The following SLC16A5 variants were observed in gnomAD, a reference collection of about 807,000 sequenced individuals.
SLC16A5 encodes the protein solute carrier family 16 member 5, also known as monocarboxylate transporter 6.
In SLC16A5, 29 loss-of-function variants were observed where a neutral mutation model predicts 33.2. That is an observed-to-expected ratio of 0.87 (90% CI 0.65 to 1.19). SLC16A5 has a LOEUF of 1.19. Ranked by LOEUF, SLC16A5 falls within the 50% of genes most tolerant of loss-of-function variation. The pLI, the probability that SLC16A5 is intolerant of heterozygous loss-of-function variation, is 0.00. For missense variants in SLC16A5, 606 were observed against 678.2 expected (o/e 0.89, Z 1.18); for synonymous variants, 248 against 284.1 (o/e 0.87, Z 1.28).
At chr17:75,109,503 GTCC>G (rs909040790), downstream of SLC16A5, among the ~76,000 whole-genome samples, 9 of 152,180 alleles carry the variant, frequency 5.9e-5, no homozygotes, top group African/African-American at 2.2e-4. This position sits in a 1 kb window ranked among gnomAD's most constrained non-coding sequence, Gnocchi z 5.0. Context: ...CTGCCTCGAC[GTCC>G]TCCAACATGG....
chr17:75,093,686 T>G lies in SLC16A5; in HGVS notation c.50T>G (p.Leu17Arg). 6.2e-7 allele frequency: 1 copy of G among 1,614,012 alleles called. No homozygotes were observed. The highest frequency in any genetic ancestry group is 2.2e-5 in the East Asian group (1 of 44,882). The change falls in exon 3 of 7, where the codon CTG becomes CGG. Residue 17 changes from leucine to arginine, a missense_variant. Coordinates refer to ENST00000329783, the MANE Select transcript of SLC16A5 (RefSeq NM_004695.4). ...RADGSWAWVV[L>R]LATMVTQGLT... ...GATGGCAGCTGGGCCTGGGTGGTGC[T>G]GCTGGCCACCATGGTGACCCAGGGC...
Position 75,096,823 on chromosome 17 carries a change from C to T in SLC16A5, c.200-1215C>T, listed in dbSNP as rs532806781. On this transcript the variant is annotated intron_variant, in intron 3 of 6. Coordinates refer to ENST00000329783, the MANE Select transcript of SLC16A5 (RefSeq NM_004695.4). ...CTGGGATTACAGGCGTGAGCCACCA[C>T]GCATGGCCACTCCATCACTTTTTTT... Among the ~76,000 whole-genome samples, 20 of 146,242 alleles carry T rather than the reference C, an allele frequency of 1.4e-4. No individual in the cohort carries two copies. The South Asian group carries it at 2.4e-3, about 17-fold the overall frequency.
chr17:75,093,416 T>TG (rs1190702327), intron 2 of SLC16A5, 173 bp from the exon 3 acceptor site: 10 of 1,535,862 alleles, frequency 6.5e-6, no homozygotes, highest in Middle Eastern at 1.7e-4. Flanking sequence ...TGAAAGGAGA[T>TG]GCCAAGGCCA....
At chr17:75,101,769 G>T (rs2073803109) in intron 5 of SLC16A5, among the ~76,000 whole-genome samples, 1 of 151,646 alleles carries the variant, frequency 6.6e-6, no homozygotes, top group Admixed American at 6.6e-5. Flanking sequence ...CAAGTAGCTG[G>T]GACTGCAGGC....
Position 75,098,141 on chromosome 17 carries a change from C to G in SLC16A5, c.303C>G (p.His101Gln). 6.2e-7 allele frequency: 1 copy of G among 1,612,476 alleles called. No individual in the cohort carries two copies. Among genetic ancestry groups the G allele is most frequent in the Non-Finnish European group, 8.5e-7 (1 of 1,179,396 alleles). The change falls in exon 4 of 7, where the codon CAC (histidine) becomes CAG (glutamine). Residue 101 changes from histidine to glutamine, a missense_variant. Physicochemically the swap from His to Gln is conservative, Grantham distance 24 (BLOSUM62 0). Coordinates refer to ENST00000329783, the MANE Select transcript of SLC16A5 (RefSeq NM_004695.4). ...GCATGGTGGCCAGCTCCTTCTCTCA[C>G]AACCTCAGCCAGCTCTACTTCACAG... The part of the protein sequence containing the change: ...SLGMVASSFS[H>Q]NLSQLYFTAG...
downstream of SLC16A5, among the ~76,000 whole-genome samples, chr17:75,107,035 G>C (rs2073869167): frequency 6.6e-6 from 1 of 151,164 alleles, no homozygotes; most frequent in South Asian, 2.1e-4. Context: ...AAAAAGCCAA[G>C]TGTGGTGGAT....
chr17:75,103,881 C>A, intron 5 of SLC16A5, 89 bp from the exon 6 acceptor site: 1 of 1,180,498 alleles, frequency 8.5e-7, no homozygotes, highest in South Asian at 1.3e-5. Context: ...ACAGCAGAGA[C>A]AAAAATAAAA....
Position 75,100,075 on chromosome 17 carries a change from G to C in SLC16A5, c.412G>C (p.Val138Leu). 6.2e-7 allele frequency: 1 copy of C among 1,613,822 alleles called. No homozygotes were observed. Among genetic ancestry groups the C allele is most frequent in the Non-Finnish European group, 8.5e-7 (1 of 1,180,008 alleles). The change falls in exon 5 of 7, where the codon GTG becomes CTG. Residue 138 changes from valine (V) to leucine (L), a missense_variant. Transcript: ENST00000329783. ...VLGFYFVRRR[V>L]LANALASMGV... is the part of the protein sequence containing the mutation. The stretch of plus-strand genomic sequence containing the variant: ...GGGCTTCTACTTTGTCCGCCGGCGG[G>C]TGCTGGCCAACGCGCTGGCCTCGAT...
rs1233213652 is a variant in SLC16A5, at chr17:75,104,072, T to C, written c.1256T>C (p.Leu419Pro). 7.4e-6 allele frequency: 12 copies of C among 1,614,062 alleles called. No individual in the cohort carries two copies. Among genetic ancestry groups the C allele is most frequent in the Non-Finnish European group, 9.3e-6 (11 of 1,180,032 alleles). ...ALFMGGSFYA[L>P]QKKEQGKQAV... is the part of the protein sequence containing the mutation. ...TTCATGGGTGGCAGCTTCTACGCCCTGCAGAAGAAGGAGCAAGGCAAGCAG... is the reference window on the plus strand; with the variant it reads ...TTCATGGGTGGCAGCTTCTACGCCCCGCAGAAGAAGGAGCAAGGCAAGCAG... The change falls in exon 6 of 7, where the codon CTG (leucine) becomes CCG (proline). Residue 419 changes from leucine to proline, a missense_variant. Physicochemically the swap from Leu to Pro is moderately conservative, Grantham distance 98. Transcript: ENST00000329783.
At chr17:75,103,484 C>G (rs998859908) in intron 5 of SLC16A5, among the ~76,000 whole-genome samples, 1 of 151,746 alleles carries the variant, frequency 6.6e-6, no homozygotes, top group African/African-American at 2.4e-5. Context: ...TACCTGCCCC[C>G]ACACCTGTCT....
At chr17:75,090,547 G>A (rs1392449268) in intron 2 of SLC16A5, among the ~76,000 whole-genome samples, 2 of 149,336 alleles carry the variant, frequency 1.3e-5, no homozygotes, top group Admixed American at 6.7e-5. Flanking sequence ...CATAACCTCC[G>A]CCTCCCGGGT....
chr17:75,104,739 C>T (rs910234841), intron 6 of SLC16A5: 25 of 984,802 alleles, frequency 2.5e-5, no homozygotes, highest in Admixed American at 6.2e-5. Context: ...CGTGAGCCAC[C>T]GTGCCCAGCC....
At position 75,106,134 on chromosome 17, in the gene SLC16A5, A is replaced by T. The variant is rs2073860740; in HGVS notation, c.*101A>T. On this transcript the variant is annotated 3_prime_UTR_variant, in exon 7 of 7. Transcript: ENST00000329783. ...TAGGAGGTTACTTTGTTAGAGCAAA[A>T]TAATAAAATTTAATTTTAAAAAAGA... 5.7e-6 allele frequency: 3 copies of T among 522,350 alleles called. No homozygotes were observed. The South Asian group carries it at 1.3e-4, about 22-fold the overall frequency. 32.4% of individuals were successfully genotyped at this position (522,350 alleles called of 1,614,324 possible). A position where few individuals can be genotyped will look rare whatever the true frequency, so the allele number is the denominator to read the frequency against.
In SLC16A5 at chr17:75,100,676, A is replaced by G; in HGVS notation, c.1013A>G (p.Tyr338Cys). 6.2e-7 allele frequency: 1 copy of G among 1,614,202 alleles called. No individual in the cohort carries two copies. Among genetic ancestry groups the G allele is most frequent in the Admixed American group, 1.7e-5 (1 of 60,014 alleles). The change falls in exon 5 of 7, where the codon TAC becomes TGC. Residue 338 changes from tyrosine (Y) to cysteine (C), a missense_variant. Transcript: ENST00000329783. The part of the protein sequence containing the change: ...FWVLVGYCLA[Y>C]SVSMSGIGAL... ...GTGCTCGTGGGCTACTGCCTGGCGT[A>G]CAGCGTGTCCATGAGTGGCATCGGC...
intron 3 of SLC16A5, among the ~76,000 whole-genome samples, chr17:75,094,251 C>T (rs895223845): frequency 5.9e-5 from 9 of 152,230 alleles, no homozygotes; most frequent in African/African-American, 2.2e-4. Flanking sequence ...GCCCAGCTCC[C>T]ACATGGAATA....
chr17:75,105,842 A>G, intron 6 of SLC16A5, 38 bp from the exon 7 acceptor site: 1 of 1,531,128 alleles, frequency 6.5e-7, no homozygotes, highest in African/African-American at 1.4e-5. Flanking sequence ...CAGGCTCCGC[A>G]AGAAAACCTT....
At chr17:75,103,470 C>G (rs1013344761) in intron 5 of SLC16A5, among the ~76,000 whole-genome samples, 1 of 151,702 alleles carries the variant, frequency 6.6e-6, no homozygotes, top group Non-Finnish European at 1.5e-5. Context: ...GCTGGGATTA[C>G]AGGTACCTGC....
intron 3 of SLC16A5, among the ~76,000 whole-genome samples, chr17:75,094,684 C>A (rs1299946403): frequency 3.3e-4 from 46 of 139,508 alleles, no homozygotes; most frequent in Admixed American, 2.8e-4. Context: ...GAAACTGTCT[C>A]AAAAAAAAAA....
chr17:75,091,201 G>A (rs1041728962), intron 2 of SLC16A5, among the ~76,000 whole-genome samples: 2 of 152,148 alleles, frequency 1.3e-5, no homozygotes, highest in East Asian at 1.9e-4. Flanking sequence ...AAGTGGGAGA[G>A]CGGAAGAGCT....
Sources: allele counts gnomAD v4.1 joint callset (sites outside exome capture counted in the v4.1 genomes callset), GRCh38; gene constraint gnomAD v4.1.1; non-coding constraint Gnocchi (gnomAD v3.1); transcripts MANE v1.5; gene names NCBI Gene and HGNC (gene_info 2026-07-23, HGNC 2026-07-21).